Variants in ABLIM2 observed in about 807,000 individuals in gnomAD.
The protein encoded by ABLIM2 is actin-binding LIM protein 2.
A neutral mutation model predicts 97.7 loss-of-function variants in ABLIM2; 53 were observed. The ratio of observed to expected loss-of-function variants is 0.54; its 90% CI spans 0.44 to 0.68. The LOEUF is 0.68. ABLIM2 is among the 30% of genes least tolerant of loss of function. ABLIM2 has a pLI of 0.00. For missense variants in ABLIM2, 835 were observed against 867.2 expected (o/e 0.96, Z 0.47); for synonymous variants, 361 against 345.8 (o/e 1.04, Z -0.49).
chr4:8,037,900 G>A (rs542976982), intron 9 of ABLIM2, among the ~76,000 whole-genome samples: 72 of 152,334 alleles, frequency 4.7e-4, no homozygotes, highest in African/African-American at 1.6e-3. Flanking sequence ...CAGCTGGTGT[G>A]TGCTGCCCTC....
chr4:8,008,434 T>C (rs577670195), intron 15 of ABLIM2, among the ~76,000 whole-genome samples: 131 of 152,306 alleles, frequency 8.6e-4, no homozygotes, highest in African/African-American at 3.0e-3. Context: ...TGCCCCATCT[T>C]ACGGACACAG....
intron 4 of ABLIM2, among the ~76,000 whole-genome samples, chr4:8,084,862 T>C (rs1298808386): frequency 6.6e-6 from 1 of 152,190 alleles, no homozygotes; most frequent in African/African-American, 2.4e-5. Context: ...GAATGCAGGG[T>C]CCACCCAGGG....
Position 8,087,188 on chromosome 4 carries a change from G to A in ABLIM2, c.454+981C>T, listed in dbSNP as rs1200811833. ...TGTCTGGGGACACCCCAGTGACCAC[G>A]GTGCTCAGAGTGGGCTTCTGCACCA... is the stretch of plus-strand genomic sequence containing the variant. On this transcript the variant is annotated intron_variant, in intron 4 of 20. Transcript: ENST00000447017. This position sits in a 1 kb window ranked among gnomAD's most constrained non-coding sequence, Gnocchi z 4.6. 2.0e-5 allele frequency among the ~76,000 whole-genome samples: 3 copies of A among 152,198 alleles called. No individual in the cohort carries two copies. Among genetic ancestry groups the A allele is most frequent in the Admixed American group, 6.5e-5 (1 of 15,282 alleles).
At position 8,132,173 on chromosome 4, in the gene ABLIM2, G is replaced by A. The variant is rs1196540818; in HGVS notation, c.11-25536C>T. Among the ~76,000 whole-genome samples the A allele has an allele frequency of 2.0e-5, 3 of 151,904 alleles. No homozygotes were observed. Among genetic ancestry groups the A allele is most frequent in the African/African-American group, 7.2e-5 (3 of 41,424 alleles). On this transcript the variant is annotated intron_variant, in intron 1 of 20. Coordinates refer to ENST00000447017, the MANE Select transcript of ABLIM2 (RefSeq NM_001130083.2). The surrounding 1 kb of genome is among the most constrained non-coding windows in gnomAD (Gnocchi z 8.0). ...AAGGAAACAGCGTACATGGTCCCAC[G>A]AGGCTGCAATCACCCCCCTGCTCAC...
intron 14 of ABLIM2, among the ~76,000 whole-genome samples, chr4:8,012,422 T>G (rs115320195): frequency 4.9e-4 from 73 of 149,774 alleles, no homozygotes; most frequent in African/African-American, 1.8e-3. Context: ...CATACATTCA[T>G]CTACCCGCCC....
Position 8,058,206 on chromosome 4 carries a change from C to G in ABLIM2, c.763+2761G>C, listed in dbSNP as rs1007456379. ...CTAAGGGTGCCCTTTACTGTGGGGG[C>G]CAAACCCCATGCAGAGCAAGGCCCC... On this transcript the variant is annotated intron_variant, in intron 7 of 20. Coordinates refer to ENST00000447017, the MANE Select transcript of ABLIM2 (RefSeq NM_001130083.2). The surrounding 1 kb of genome is among the most constrained non-coding windows in gnomAD (Gnocchi z 4.2). Among the ~76,000 whole-genome samples the G allele has an allele frequency of 1.3e-5, 2 of 152,234 alleles. No homozygotes were observed. Among genetic ancestry groups the G allele is most frequent in the African/African-American group, 4.8e-5 (2 of 41,468 alleles).
At chr4:8,107,052 C>T (rs536249697) in intron 1 of ABLIM2, among the ~76,000 whole-genome samples, 1 of 152,390 alleles carries the variant, frequency 6.6e-6, no homozygotes, top group Non-Finnish European at 1.5e-5. Context: ...CCTCTGTGAG[C>T]TCAGTAACCC....
chr4:7,993,886 C>T (rs1750964126), intron 16 of ABLIM2: 3 of 502,482 alleles, frequency 6.0e-6, no homozygotes, highest in South Asian at 2.9e-5. Flanking sequence ...ATGTCCCTGG[C>T]TGGCCCTGGG....
chr4:8,079,527 C>G (rs1228721874), intron 5 of ABLIM2, among the ~76,000 whole-genome samples: 2 of 152,208 alleles, frequency 1.3e-5, no homozygotes, highest in African/African-American at 4.8e-5. Flanking sequence ...TGGGTGCAAG[C>G]TCACCTTGGT....
chr4:8,063,033 C>T (rs542482074), intron 6 of ABLIM2, among the ~76,000 whole-genome samples: 92 of 152,328 alleles, frequency 6.0e-4, no homozygotes, highest in African/African-American at 9.6e-4. Flanking sequence ...CTACATGGCA[C>T]GTCCACATGT....
In ABLIM2 at chr4:8,058,324, G is replaced by A. The variant is rs1027917279; in HGVS notation, c.763+2643C>T. ...TCAAGGAACAGGCGACACCGGGGAC[G>A]AGGCTGTCCTGTCTGACATCACCCC... On this transcript the variant is annotated intron_variant, in intron 7 of 20. Coordinates refer to ENST00000447017, the MANE Select transcript of ABLIM2 (RefSeq NM_001130083.2). The surrounding 1 kb of genome is among the most constrained non-coding windows in gnomAD (Gnocchi z 4.2). 1.3e-5 allele frequency among the ~76,000 whole-genome samples: 2 copies of A among 152,206 alleles called. No homozygotes were observed. Among genetic ancestry groups the A allele is most frequent in the Non-Finnish European group, 2.9e-5 (2 of 68,040 alleles).
At chr4:8,078,256 C>A (rs1050874150) in intron 5 of ABLIM2, among the ~76,000 whole-genome samples, 6 of 152,242 alleles carry the variant, frequency 3.9e-5, no homozygotes, top group African/African-American at 1.4e-4. Flanking sequence ...CAAAGGCTGG[C>A]TCTGGCCACA....
chr4:7,975,098 G>C (rs1273123161), intron 20 of ABLIM2, among the ~76,000 whole-genome samples: 1 of 151,912 alleles, frequency 6.6e-6, no homozygotes, highest in African/African-American at 2.4e-5. Flanking sequence ...CATGCCTGTA[G>C]TCCCAGCTAC....
intron 1 of ABLIM2, among the ~76,000 whole-genome samples, chr4:8,145,476 G>A (rs985482152): frequency 2.6e-5 from 4 of 152,010 alleles, no homozygotes; most frequent in African/African-American, 4.8e-5. Context: ...GAGCTACCGC[G>A]CCCGGCCAGG....
At chr4:8,109,281 G>A (rs1240612200) in intron 1 of ABLIM2, among the ~76,000 whole-genome samples, 2 of 152,250 alleles carry the variant, frequency 1.3e-5, no homozygotes, top group Non-Finnish European at 2.9e-5. Flanking sequence ...CCACCTGGTT[G>A]CAGTCGAAAC....
In ABLIM2 at chr4:8,009,178, C is replaced by T; in HGVS notation, c.1424-76G>A. The T allele has an allele frequency of 3.9e-6, 6 of 1,557,338 alleles. No individual in the cohort carries two copies. In the Admixed American group the frequency reaches 1.0e-4, roughly 26 times the overall value. On this transcript the variant is annotated intron_variant, in intron 14 of 20. Transcript: ENST00000447017. ...TTCTGCCTCATGGTTTCCCATGTTACAGTTATGCTCAAAAATGAAAAATCA... is the reference window on the plus strand; with the variant it reads ...TTCTGCCTCATGGTTTCCCATGTTATAGTTATGCTCAAAAATGAAAAATCA...
chr4:8,037,502 G>A (rs560311179), intron 9 of ABLIM2, among the ~76,000 whole-genome samples: 8 of 151,410 alleles, frequency 5.3e-5, no homozygotes, highest in Admixed American at 2.6e-4. Context: ...ACACTGACAC[G>A]TGCTCACACA....
chr4:8,108,604 G>A (rs575980715), intron 1 of ABLIM2, among the ~76,000 whole-genome samples: 6 of 152,336 alleles, frequency 3.9e-5, no homozygotes, highest in South Asian at 2.1e-4. Context: ...TCGTGCCCCC[G>A]CTTTCCAGTT....
In ABLIM2 at chr4:8,147,209, T is replaced by C. The variant is rs1339866676; in HGVS notation, c.10+11471A>G. On this transcript the variant is annotated intron_variant, in intron 1 of 20. Coordinates refer to ENST00000447017, the MANE Select transcript of ABLIM2 (RefSeq NM_001130083.2). This position sits in a 1 kb window ranked among gnomAD's most constrained non-coding sequence, Gnocchi z 5.3. The stretch of plus-strand genomic sequence containing the variant: ...CCAATTCATATTCTTATCCACAGTC[T>C]GTGACAGGATCTAACTCCCGGGACG... Among the ~76,000 whole-genome samples, 2 of 152,240 alleles carry C rather than the reference T, an allele frequency of 1.3e-5. No individual in the cohort carries two copies. The highest frequency in any genetic ancestry group is 2.9e-5 in the Non-Finnish European group (2 of 68,040).
Sources: allele counts gnomAD v4.1 joint callset (sites outside exome capture counted in the v4.1 genomes callset), GRCh38; gene constraint gnomAD v4.1.1; non-coding constraint Gnocchi (gnomAD v3.1); transcripts MANE v1.5; gene names NCBI Gene and HGNC (gene_info 2026-07-23, HGNC 2026-07-21).